IL7R: variants seen among roughly 807,000 people sequenced by gnomAD.
IL7R encodes interleukin-7 receptor subunit alpha.
Under a neutral mutation model 47.0 loss-of-function variants are expected in IL7R, and 38 were observed. That is an observed-to-expected ratio of 0.81 (90% CI 0.62 to 1.06). The LOEUF (loss-of-function observed/expected upper bound fraction) is 1.06. IL7R is among the 50% of genes least tolerant of loss of function. The pLI is 0.00. For synonymous variants in IL7R, 221 were observed against 199.8 expected (o/e 1.11, Z -0.89); for missense variants, 633 against 534.8 (o/e 1.18, Z -1.81).
At chr5:35,867,596 GTAAATTTTTA>G in intron 3 of IL7R, 133 bp downstream of exon 3, 1 of 732,292 alleles carries the variant, frequency 1.4e-6, no homozygotes, top group African/African-American at 1.8e-5. Flanking sequence ...ATTCCCTACT[GTAAATTTTTA>G]TAATAAATGA....
chr5:35,876,661 C>G lies in IL7R; in HGVS notation c.*175C>G. 1 of 702,660 alleles carries G rather than the reference C, an allele frequency of 1.4e-6. No individual in the cohort carries two copies. Among genetic ancestry groups the G allele is most frequent in the Non-Finnish European group, 2.5e-6 (1 of 404,924 alleles). 43.5% of individuals were successfully genotyped at this position (702,660 alleles called of 1,614,324 possible). A position where few individuals can be genotyped will look rare whatever the true frequency, so the allele number is the denominator to read the frequency against. ...ACCACTCTTCCTGAGTTCAGTGGCA[C>G]TCAACATGAGTCAAGAGCATCCTGC... On this transcript the variant is annotated 3_prime_UTR_variant, in exon 8 of 8. Transcript: ENST00000303115.
intron 2 of IL7R, among the ~76,000 whole-genome samples, chr5:35,866,738 A>G (rs1759949821): frequency 6.6e-6 from 1 of 152,124 alleles, no homozygotes; most frequent in South Asian, 2.1e-4. Context: ...TTCTATAGTG[A>G]TATCTCCTCT....
chr5:35,878,917 G>A lies in IL7R; in HGVS notation c.*2431G>A, dbSNP rs780523949. The A allele has an allele frequency of 8.6e-6, 2 of 232,744 alleles. No individual in the cohort carries two copies. The highest frequency in any genetic ancestry group is 1.7e-5 in the Non-Finnish European group (2 of 117,880). 14.4% of individuals were successfully genotyped at this position (232,744 alleles called of 1,614,324 possible). On this transcript the variant is annotated 3_prime_UTR_variant, in exon 8 of 8. Coordinates refer to ENST00000303115, the MANE Select transcript of IL7R (RefSeq NM_002185.5). ...ATGTTGTTTGGCATATGTTATCTTTGGAATTTAGTGTCTGAGCCTCTGTCT... is the reference window on the plus strand; with the variant it reads ...ATGTTGTTTGGCATATGTTATCTTTAGAATTTAGTGTCTGAGCCTCTGTCT...
intron 2 of IL7R, 102 bp from the exon 3 acceptor site, chr5:35,867,204 C>A: frequency 9.4e-7 from 1 of 1,063,462 alleles, no homozygotes; most frequent in Non-Finnish European, 1.5e-6. Context: ...TACCTATGAA[C>A]AGAGTTAAAG....
intron 3 of IL7R, among the ~76,000 whole-genome samples, chr5:35,868,128 A>G (rs1435415980): frequency 1.3e-5 from 2 of 152,158 alleles, no homozygotes; most frequent in African/African-American, 4.8e-5. Flanking sequence ...TACTCTTGAG[A>G]CAGACTTGCT....
At chr5:35,870,416 C>A (rs1201056789) in intron 3 of IL7R, among the ~76,000 whole-genome samples, 1 of 152,186 alleles carries the variant, frequency 6.6e-6, no homozygotes, top group East Asian at 1.9e-4. Flanking sequence ...AGGATGCAGA[C>A]CCTTCATGTC....
rs1296068949 is a variant in IL7R, at chr5:35,871,169, C to G, written c.493C>G (p.His165Asp). ...LQKKYVKVLM[H>D]DVAYRQEKDE... ...AAAGAAGTATGTAAAAGTTTTAATGCACGATGTAGCTTACCGCCAGGAAAA... is the reference window on the plus strand; with the variant it reads ...AAAGAAGTATGTAAAAGTTTTAATGGACGATGTAGCTTACCGCCAGGAAAA... The change falls in exon 4 of 8, where the codon CAC (histidine) becomes GAC (aspartate). Residue 165 changes from histidine (H) to aspartate (D), a missense_variant. By Grantham distance (81) the His-to-Asp change is moderately conservative. Transcript: ENST00000303115. 6.2e-7 allele frequency: 1 copy of G among 1,612,996 alleles called. No individual in the cohort carries two copies. The highest frequency in any genetic ancestry group is 1.1e-5 in the South Asian group (1 of 91,058).
Position 35,877,332 on chromosome 5 carries a change from G to T in IL7R, c.*846G>T, listed in dbSNP as rs1190023341. On this transcript the variant is annotated 3_prime_UTR_variant, in exon 8 of 8. Coordinates refer to ENST00000303115, the MANE Select transcript of IL7R (RefSeq NM_002185.5). ...AAGAGGGGGAGAAACAGTCTTGCGG[G>T]TGTGAAGTCCCATGACCAGCCATGT... 4.7e-5 allele frequency: 11 copies of T among 233,084 alleles called. No homozygotes were observed. Among genetic ancestry groups the T allele is most frequent in the Non-Finnish European group, 8.5e-6 (1 of 118,018 alleles). 14.4% of individuals were successfully genotyped at this position (233,084 alleles called of 1,614,324 possible).
chr5:35,856,953 A>C lies in IL7R; in HGVS notation c.-25A>C. On this transcript the variant is annotated 5_prime_UTR_variant, in exon 1 of 8. Coordinates refer to ENST00000303115, the MANE Select transcript of IL7R (RefSeq NM_002185.5). Reference sequence around the variant, plus strand: ...TTCATACACACTGGCTCACACATCTACTCTCTCTCTCTATCTCTCTCAGAA... The same window carrying C: ...TTCATACACACTGGCTCACACATCTCCTCTCTCTCTCTATCTCTCTCAGAA... 4 of 1,296,082 alleles carry C rather than the reference A, an allele frequency of 3.1e-6. No homozygotes were observed. Among genetic ancestry groups the C allele is most frequent in the Non-Finnish European group, 3.4e-6 (3 of 894,860 alleles). The allele number at this position is 1,296,082 out of a possible 1,614,324, so 80.3% of individuals were successfully genotyped here. A position where few individuals can be genotyped will look rare whatever the true frequency, so the allele number is the denominator to read the frequency against.
At position 35,876,327 on chromosome 5, in the gene IL7R, C is replaced by A. The variant is rs267600610; in HGVS notation, c.1221C>A (p.Ser407Arg). 1 of 1,613,344 alleles carries A rather than the reference C, an allele frequency of 6.2e-7. No individual in the cohort carries two copies. The highest frequency in any genetic ancestry group is 1.1e-5 in the South Asian group (1 of 91,042). Residue 407 changes from serine (S) to arginine (R), a missense_variant, in exon 8 of 8, where the codon AGC becomes AGA. Transcript: ENST00000303115. ...GPHVYQDLLL[S>R]LGTTNSTLPP... ...ATGTGTACCAGGACCTCCTGCTTAG[C>A]CTTGGGACTACAAACAGCACGCTGC...
chr5:35,857,398 C>T (rs892737099), intron 1 of IL7R, among the ~76,000 whole-genome samples: 1 of 151,898 alleles, frequency 6.6e-6, no homozygotes, highest in Non-Finnish European at 1.5e-5. Context: ...GTAATTTTAC[C>T]TTGTCAGGAG....
Position 35,876,742 on chromosome 5 carries a change from T to TAAA in IL7R, c.*264_*266dup. ...AAGGTGACCCAATGATTCAGCTATT[T>TAAA]AAAAAAAAAAGAGGAAAGAATGAAA... On this transcript the variant is annotated 3_prime_UTR_variant, in exon 8 of 8. Coordinates refer to ENST00000303115, the MANE Select transcript of IL7R (RefSeq NM_002185.5). The TAAA allele has an allele frequency of 2.4e-6, 1 of 423,838 alleles. No homozygotes were observed. Among genetic ancestry groups the TAAA allele is most frequent in the African/African-American group, 2.1e-5 (1 of 48,698 alleles). The allele number at this position is 423,838 out of a possible 1,614,324, so 26.3% of individuals were successfully genotyped here. A position where few individuals can be genotyped will look rare whatever the true frequency, so the allele number is the denominator to read the frequency against.
intron 6 of IL7R, 64 bp downstream of exon 6, chr5:35,874,606 C>T (rs2149904157): frequency 1.6e-6 from 2 of 1,226,196 alleles, no homozygotes; most frequent in South Asian, 1.2e-5. Flanking sequence ...GAGCTTAAGC[C>T]CCATTTATTG....
At chr5:35,857,191 C>A (rs964108253) in intron 1 of IL7R, 132 bp downstream of exon 1, 3 of 653,308 alleles carry the variant, frequency 4.6e-6, no homozygotes, top group Non-Finnish European at 8.1e-6. Flanking sequence ...CATATTCAGT[C>A]ATTTTTTTTA....
intron 3 of IL7R, 122 bp from the exon 4 acceptor site, chr5:35,870,934 A>G: frequency 1.2e-6 from 1 of 812,476 alleles, no homozygotes; most frequent in Non-Finnish European, 2.1e-6. Context: ...GGTTTTCTGA[A>G]TAGTTGGCCA....
chr5:35,860,289 T>A (rs1759768425), intron 1 of IL7R, among the ~76,000 whole-genome samples: 1 of 152,250 alleles, frequency 6.6e-6, no homozygotes, highest in East Asian at 1.9e-4. Context: ...CCACTTTTAA[T>A]TGGGATGCCT....
At chr5:35,872,432 A>G (rs752945097) in intron 4 of IL7R, among the ~76,000 whole-genome samples, 1 of 152,158 alleles carries the variant, frequency 6.6e-6, no homozygotes, top group Non-Finnish European at 1.5e-5. Flanking sequence ...TCCTCACCTC[A>G]GGTGATCTGC....
intron 4 of IL7R, chr5:35,873,228 C>T: frequency 1.9e-6 from 1 of 527,792 alleles, no homozygotes; most frequent in Non-Finnish European, 3.4e-6. Context: ...CTGGGCAGTG[C>T]CTAACTCACC....
Position 35,875,450 on chromosome 5 carries a change from A to C in IL7R, c.801-62A>C, listed in dbSNP as rs187435551. On this transcript the variant is annotated intron_variant, in intron 6 of 7. Coordinates refer to ENST00000303115, the MANE Select transcript of IL7R (RefSeq NM_002185.5). The stretch of plus-strand genomic sequence containing the variant: ...TGATTCCAAGCTCAGAATAAGTGGG[A>C]AGACTCAGTGTGCCTGTGCCCTCTG... The C allele has an allele frequency of 6.0e-5, 66 of 1,103,896 alleles. No individual in the cohort carries two copies. In the Admixed American group the frequency reaches 1.1e-3, roughly 18 times the overall value. 68.4% of individuals were successfully genotyped at this position (1,103,896 alleles called of 1,614,324 possible). A position where few individuals can be genotyped will look rare whatever the true frequency, so the allele number is the denominator to read the frequency against.
Sources: gnomAD v4.1 joint callset for allele counts (sites outside exome capture counted in the v4.1 genomes callset) on GRCh38, gnomAD v4.1.1 for gene constraint, MANE v1.5 for transcripts, NCBI Gene and HGNC (gene_info 2026-07-23, HGNC 2026-07-21) for gene names.